Variants in PLIN3 observed in about 807,000 individuals in gnomAD.
PLIN3 encodes the protein perilipin 3.
PLIN3 carries 30 observed loss-of-function variants against 35.9 expected under a neutral mutation model. That is an observed-to-expected ratio of 0.84 (90% CI 0.62 to 1.13). The LOEUF is 1.13. PLIN3 is among the 50% of genes most tolerant of loss of function. The pLI, the probability that PLIN3 is intolerant of heterozygous loss-of-function variation, is 0.00. For missense variants in PLIN3, 603 were observed against 596.9 expected (o/e 1.01, Z -0.11); for synonymous variants, 261 against 262.5 (o/e 0.99, Z 0.06).
At chr19:4,857,306 A>G (rs1384084270) in intron 4 of PLIN3, among the ~76,000 whole-genome samples, 1 of 151,902 alleles carries the variant, frequency 6.6e-6, no homozygotes, top group East Asian at 1.9e-4. Context: ...GGCGTGGTGG[A>G]TGCACCTAGT....
intron 2 of PLIN3, among the ~76,000 whole-genome samples, chr19:4,860,242 T>C (rs1568380598): frequency 6.6e-6 from 1 of 152,236 alleles, no homozygotes; most frequent in East Asian, 1.9e-4. Context: ...AGTCTTGCAC[T>C]GTTGCCCGGG....
intron 7 of PLIN3, among the ~76,000 whole-genome samples, chr19:4,840,764 G>T (rs1194204988): frequency 2.6e-5 from 4 of 152,128 alleles, no homozygotes; most frequent in Non-Finnish European, 5.9e-5. Flanking sequence ...GACCAACATG[G>T]CGAAACCCGC....
intron 4 of PLIN3, among the ~76,000 whole-genome samples, chr19:4,852,618 A>C (rs1599167059): frequency 1.4e-5 from 2 of 147,880 alleles, no homozygotes; most frequent in Admixed American, 6.8e-5. Flanking sequence ...AAGTCACTCT[A>C]CCTCCCTGTA....
At chr19:4,841,917 A>G (rs1236390771) in intron 7 of PLIN3, among the ~76,000 whole-genome samples, 1 of 93,074 alleles carries the variant, frequency 1.1e-5, no homozygotes, top group Admixed American at 1.2e-4. Flanking sequence ...AAAAAAAAAA[A>G]AAAAAAAAAG....
Position 4,844,740 on chromosome 19 carries a change from C to G in PLIN3, c.888G>C (p.Lys296Asn). ...TCCAGCTGAGCCACATCTGGTGCAG[C>G]TTCTCCTGGCCTTCCACCAGCTTCT... ...VDQKLVEGQE[K>N]LHQMWLSWNQ... The change falls in exon 7 of 8, where the codon AAG (lysine) becomes AAC (asparagine). Residue 296 changes from lysine to asparagine, a missense_variant. Physicochemically the swap from Lys to Asn is moderately conservative, Grantham distance 94. Coordinates refer to ENST00000221957, the MANE Select transcript of PLIN3 (RefSeq NM_005817.5). The G allele has an allele frequency of 6.2e-7, 1 of 1,604,216 alleles. No individual in the cohort carries two copies. The highest frequency in any genetic ancestry group is 1.1e-5 in the South Asian group (1 of 89,100).
intron 4 of PLIN3, among the ~76,000 whole-genome samples, chr19:4,859,164 T>C (rs762783485): frequency 9.9e-5 from 15 of 152,138 alleles, no homozygotes; most frequent in Non-Finnish European, 8.8e-5. Flanking sequence ...CATTGTAGGG[T>C]GAAAGCAGTC....
rs1462157730 is a variant in PLIN3 at position 4,860,005 on chromosome 19, A to C, written c.86T>G (p.Val29Gly). 1 of 1,613,986 alleles carries C rather than the reference A, an allele frequency of 6.2e-7. No homozygotes were observed. The highest frequency in any genetic ancestry group is 1.7e-5 in the Admixed American group (1 of 59,976). Residue 29 changes from valine to glycine, a missense_variant, in exon 3 of 8, where the codon GTG (valine) becomes GGG (glycine). By Grantham distance (109) the Val-to-Gly change is moderately radical. Transcript: ENST00000221957. ...PVQQPSVVDR[V>G]ASMPLISSTC... Reference sequence around the variant, plus strand: ...GGAGCTGATCAGAGGCATGCTGGCCACACGGTCCACCACACTGGGCTACAG... The same window carrying C: ...GGAGCTGATCAGAGGCATGCTGGCCCCACGGTCCACCACACTGGGCTACAG...
rs1013068672 is a variant in PLIN3 at position 4,852,131 on chromosome 19, G to C, written c.519C>G (p.Val173=). ...DKTKSVVTGG[V]QSVMGSRLGQ... ...CCAAGCGGGAGCCCATGACCGATTG[G>C]ACGCCGCCGGTCACTACGGACTTTG... The change falls in exon 5 of 8, where the codon GTC becomes GTG. Residue 173 remains valine, a synonymous_variant. Coordinates refer to ENST00000221957, the MANE Select transcript of PLIN3 (RefSeq NM_005817.5). 1 of 1,614,072 alleles carries C rather than the reference G, an allele frequency of 6.2e-7. No homozygotes were observed. The highest frequency in any genetic ancestry group is 8.5e-7 in the Non-Finnish European group (1 of 1,179,986).
At position 4,843,817 on chromosome 19, in the gene PLIN3, C is replaced by G. The variant is rs1442746237; in HGVS notation, c.960+851G>C. Among the ~76,000 whole-genome samples the G allele has an allele frequency of 5.9e-5, 9 of 152,158 alleles. No homozygotes were observed. In the South Asian group the frequency reaches 1.0e-3, roughly 18 times the overall value. ...CATCACTGCACTCCAGCCAGGGCAA[C>G]AGAGTGAGACCCTGTCTCAAAGATA... On this transcript the variant is annotated intron_variant, in intron 7 of 7. Transcript: ENST00000221957.
chr19:4,854,084 C>T (rs2030393963), intron 4 of PLIN3, among the ~76,000 whole-genome samples: 1 of 151,808 alleles, frequency 6.6e-6, no homozygotes, highest in Admixed American at 6.6e-5. Context: ...AGGTACGCAC[C>T]ACCACACCCG....
At chr19:4,845,589 G>C (rs1468107185) in intron 6 of PLIN3, among the ~76,000 whole-genome samples, 9 of 152,060 alleles carry the variant, frequency 5.9e-5, no homozygotes, top group African/African-American at 2.2e-4. Context: ...AGGCAACACA[G>C]TGACATCTCA....
chr19:4,848,773 A>G (rs2030189643), intron 5 of PLIN3, among the ~76,000 whole-genome samples: 1 of 152,124 alleles, frequency 6.6e-6, no homozygotes, highest in Non-Finnish European at 1.5e-5. Context: ...AGGCTGAGGC[A>G]GGAGAATCGC....
At chr19:4,839,597 T>C (rs564861408) in intron 7 of PLIN3, 61 bp from the exon 8 acceptor site, 18 of 1,319,904 alleles carry the variant, frequency 1.4e-5, no homozygotes, top group Non-Finnish European at 1.8e-5. Context: ...CGATCGGAGC[T>C]GAAGCCAGGG....
At chr19:4,840,763 G>A (rs1428000678) in intron 7 of PLIN3, among the ~76,000 whole-genome samples, 2 of 152,262 alleles carry the variant, frequency 1.3e-5, no homozygotes, top group Admixed American at 6.5e-5. Context: ...TGACCAACAT[G>A]GCGAAACCCG....
rs760142638 is a variant in PLIN3 at position 4,839,407 on chromosome 19, G to A, written c.1090C>T (p.Arg364Cys). 2.0e-5 allele frequency: 32 copies of A among 1,610,162 alleles called. No homozygotes were observed. The highest frequency in any genetic ancestry group is 6.7e-5 in the East Asian group (3 of 44,768). The change falls in exon 8 of 8, where the codon CGC becomes TGC. Residue 364 changes from arginine to cysteine, a missense_variant. Coordinates refer to ENST00000221957, the MANE Select transcript of PLIN3 (RefSeq NM_005817.5). ...GTGGCCTGGAGGTCCTCCACCTGGC[G>A]GCGGGCCTGCTGCACCTGGTCCTTC... ...NVKDQVQQAR[R>C]QVEDLQATFS... is the part of the protein sequence containing the mutation.
chr19:4,839,419 G>A lies in PLIN3; in HGVS notation c.1078C>T (p.Gln360Ter). ...GLPTNVKDQVQQARRQVEDLQ... is the reference protein window; with the variant it reads ...GLPTNVKDQV ...TCCTCCACCTGGCGGCGGGCCTGCT[G>A]CACCTGGTCCTTCACATTGGTGGGG... is the stretch of plus-strand genomic sequence containing the variant. Residue 360 changes from glutamine to a stop codon, truncating the protein, a stop_gained, in exon 8 of 8, where the codon CAG becomes TAG. Transcript: ENST00000221957. LOFTEE classifies it low-confidence loss of function (END_TRUNC). The A allele has an allele frequency of 6.2e-7, 1 of 1,607,886 alleles. No individual in the cohort carries two copies. The highest frequency in any genetic ancestry group is 1.1e-5 in the South Asian group (1 of 90,734).
chr19:4,859,695 A>C (rs1010758290), intron 3 of PLIN3, 23 bp from the exon 4 acceptor site: 3 of 1,612,476 alleles, frequency 1.9e-6, no homozygotes, highest in Non-Finnish European at 2.5e-6. Context: ...ATTAAGACGC[A>C]AATGTGACTG....
chr19:4,857,999 G>T (rs1293812163), intron 4 of PLIN3, among the ~76,000 whole-genome samples: 9 of 150,464 alleles, frequency 6.0e-5, no homozygotes, highest in Admixed American at 6.0e-4. Flanking sequence ...AGGGGGCCGG[G>T]CACAGTGGCT....
At chr19:4,845,964 C>T (rs2030081384) in intron 6 of PLIN3, among the ~76,000 whole-genome samples, 1 of 147,976 alleles carries the variant, frequency 6.8e-6, no homozygotes, top group Non-Finnish European at 1.5e-5. Flanking sequence ...GTGGCTCACG[C>T]CTGTAATTCC....
Sources: allele counts gnomAD v4.1 joint callset (sites outside exome capture counted in the v4.1 genomes callset), GRCh38; gene constraint gnomAD v4.1.1; transcripts MANE v1.5; gene names NCBI Gene and HGNC (gene_info 2026-07-23, HGNC 2026-07-21).